Variants in MAGI2 observed in about 807,000 individuals in gnomAD.
The protein encoded by MAGI2 is membrane-associated guanylate kinase, WW and PDZ domain-containing protein 2.
Under a neutral mutation model 133.3 loss-of-function variants are expected in MAGI2, and 35 were observed. The ratio of observed to expected loss-of-function variants is 0.26; its 90% CI spans 0.20 to 0.35. MAGI2 has a LOEUF of 0.35. Ranked by LOEUF, MAGI2 falls within the 10% of genes least tolerant of loss-of-function variation. The pLI, the probability that MAGI2 is intolerant of heterozygous loss-of-function variation, is 1.00. For missense variants in MAGI2, 1,636 were observed against 1,863.4 expected, an observed-to-expected ratio of 0.88 and a Z score of 2.25; for synonymous variants, 729 against 710.6, an observed-to-expected ratio of 1.03 and a Z score of -0.41.
chr7:78,834,272 T>A (rs1351196593), intron 2 of MAGI2, among the ~76,000 whole-genome samples: 9 of 152,170 alleles, frequency 5.9e-5, no homozygotes, highest in African/African-American at 2.2e-4. Context: ...TTTCACAAGT[T>A]TGGGTTACCA....
intron 3 of MAGI2, among the ~76,000 whole-genome samples, chr7:78,567,108 T>C (rs1801019040): frequency 6.6e-6 from 1 of 152,184 alleles, no homozygotes; most frequent in Non-Finnish European, 1.5e-5. Context: ...CCCGTTATTG[T>C]CCCCATTATT....
In MAGI2 at chr7:78,346,124, G is replaced by C. The variant is rs1366613037; in HGVS notation, c.1104-81C>G. 3 of 1,479,046 alleles carry C rather than the reference G, an allele frequency of 2.0e-6. No homozygotes were observed. The African/African-American group carries it at 4.2e-5, about 21-fold the overall frequency. 91.6% of individuals were successfully genotyped at this position (1,479,046 alleles called of 1,614,324 possible). On this transcript the variant is annotated intron_variant, in intron 7 of 21. Coordinates refer to ENST00000354212, the MANE Select transcript of MAGI2 (RefSeq NM_012301.4). ...CATATGTATGGCTCTATGGAGAGCA[G>C]GTGATTAAGGGCCACCTTATCTGAT...
At chr7:78,582,557 C>T (rs754210423) in intron 3 of MAGI2, among the ~76,000 whole-genome samples, 1 of 152,156 alleles carries the variant, frequency 6.6e-6, no homozygotes, top group Non-Finnish European at 1.5e-5. Flanking sequence ...GGAGACAATT[C>T]CAGTTAGGAG....
In MAGI2 at chr7:79,030,782, A is replaced by T. The variant is rs1030721904; in HGVS notation, c.302-23576T>A. ...AAATCCCAGAATTATTCTTGGGATT[A>T]GAGTTCCCAAAACTTCATTTTAGTA... is the stretch of plus-strand genomic sequence containing the variant. On this transcript the variant is annotated intron_variant, in intron 1 of 21. Transcript: ENST00000354212. Among the ~76,000 whole-genome samples, 121 of 152,320 alleles carry T rather than the reference A, an allele frequency of 7.9e-4. 1 individual carries two copies. Among genetic ancestry groups the T allele is most frequent in the African/African-American group, 2.8e-3 (115 of 41,570 alleles).
chr7:78,725,628 C>G (rs1465108453), intron 2 of MAGI2, among the ~76,000 whole-genome samples: 1 of 152,196 alleles, frequency 6.6e-6, no homozygotes, highest in African/African-American at 2.4e-5. Flanking sequence ...GAAACCCTGT[C>G]TCTATTAAAA....
Position 78,489,846 on chromosome 7 carries a change from A to G in MAGI2, c.966-6T>C, listed in dbSNP as rs761963503. 2 of 1,608,632 alleles carry G rather than the reference A, an allele frequency of 1.2e-6. No individual in the cohort carries two copies. The highest frequency in any genetic ancestry group is 1.3e-5 in the African/African-American group (1 of 74,648). On this transcript the variant is annotated splice_polypyrimidine_tract_variant and splice_region_variant and intron_variant, in intron 5 of 21. Coordinates refer to ENST00000354212, the MANE Select transcript of MAGI2 (RefSeq NM_012301.4). The stretch of plus-strand genomic sequence containing the variant: ...ATGTTGTCTTTGTGTTATGGCTGAA[A>G]AGAAAAGAGATCACTCTGAACAGAC...
chr7:78,201,326 C>T (rs1829231518), intron 10 of MAGI2, 133 bp from the exon 11 acceptor site: 1 of 487,058 alleles, frequency 2.1e-6, no homozygotes, highest in African/African-American at 2.0e-5. Flanking sequence ...TTCTGCCTGG[C>T]TGTATCGTTT....
At chr7:78,440,879 C>T (rs957758773) in intron 6 of MAGI2, among the ~76,000 whole-genome samples, 2 of 151,942 alleles carry the variant, frequency 1.3e-5, no homozygotes, top group East Asian at 1.9e-4. Flanking sequence ...CTTGAATCTC[C>T]GAGTTTGGGG....
intron 2 of MAGI2, among the ~76,000 whole-genome samples, chr7:78,648,236 C>T (rs1436889067): frequency 6.6e-6 from 1 of 152,152 alleles, no homozygotes; most frequent in Admixed American, 6.5e-5. Context: ...CAAAAAAATT[C>T]TGTCATGGTT....
intron 1 of MAGI2, among the ~76,000 whole-genome samples, chr7:79,145,673 G>A (rs886819342): frequency 6.6e-5 from 10 of 152,152 alleles, no homozygotes; most frequent in Non-Finnish European, 8.8e-5. Flanking sequence ...AGCCTACAGA[G>A]CATCTGGCTT....
intron 1 of MAGI2, among the ~76,000 whole-genome samples, chr7:79,018,811 G>A (rs996083545): frequency 1.2e-4 from 18 of 152,104 alleles, no homozygotes; most frequent in Admixed American, 1.2e-3. Context: ...TTACATAAAG[G>A]TAGAGGGCTC....
chr7:78,699,503 A>T (rs73380297), intron 2 of MAGI2, among the ~76,000 whole-genome samples: 2,289 of 152,280 alleles, frequency 0.015, 52 homozygotes, highest in African/African-American at 0.053. Context: ...CCATGTTTAG[A>T]TGTGGGTTCC....
intron 2 of MAGI2, among the ~76,000 whole-genome samples, chr7:78,971,544 T>C (rs1185204823): frequency 6.6e-6 from 1 of 152,020 alleles, no homozygotes; most frequent in African/African-American, 2.4e-5. Flanking sequence ...AAACAACAAA[T>C]AATATTTTAG....
At chr7:79,206,340 A>G (rs369864830) in intron 1 of MAGI2, among the ~76,000 whole-genome samples, 1 of 151,762 alleles carries the variant, frequency 6.6e-6, no homozygotes, top group Non-Finnish European at 1.5e-5. Flanking sequence ...AGTTAACCTA[A>G]GAGAAAAAAG....
intron 1 of MAGI2, among the ~76,000 whole-genome samples, chr7:79,200,684 C>T (rs1828536108): frequency 6.6e-6 from 1 of 151,546 alleles, no homozygotes; most frequent in African/African-American, 2.4e-5. Context: ...AAGTGTTATC[C>T]CCATTGTTCC....
intron 1 of MAGI2, among the ~76,000 whole-genome samples, chr7:79,400,903 C>T (rs1845424645): frequency 6.6e-6 from 1 of 152,084 alleles, no homozygotes; most frequent in Non-Finnish European, 1.5e-5. Context: ...ACACTGGTCA[C>T]ATTCAATGTA....
chr7:78,141,219 C>T (rs1229054750), intron 16 of MAGI2, among the ~76,000 whole-genome samples: 2 of 152,122 alleles, frequency 1.3e-5, no homozygotes, highest in East Asian at 1.9e-4. Context: ...AGCCCAGCTC[C>T]CGTGAATGGA....
At chr7:78,444,505 G>T (rs73370271) in intron 6 of MAGI2, among the ~76,000 whole-genome samples, 1 of 151,922 alleles carries the variant, frequency 6.6e-6, no homozygotes, top group African/African-American at 2.4e-5. Flanking sequence ...AGAGACATGT[G>T]TTACTTAACT....
chr7:78,500,860 G>C (rs940511223), intron 5 of MAGI2, among the ~76,000 whole-genome samples: 2 of 152,128 alleles, frequency 1.3e-5, no homozygotes, highest in Admixed American at 1.3e-4. Context: ...AGGCCAGTGT[G>C]GGCAATCACC....
Sources: gnomAD v4.1 joint callset for allele counts (sites outside exome capture counted in the v4.1 genomes callset) on GRCh38, gnomAD v4.1.1 for gene constraint, MANE v1.5 for transcripts, NCBI Gene and HGNC (gene_info 2026-07-23, HGNC 2026-07-21) for gene names.